Variants in MACROD2 observed in about 807,000 individuals in gnomAD.
MACROD2 encodes ADP-ribose glycohydrolase MACROD2.
MACROD2 carries 36 observed loss-of-function variants against 70.4 expected under a neutral mutation model. That is an observed-to-expected ratio of 0.51 (90% CI 0.39 to 0.68). The LOEUF (loss-of-function observed/expected upper bound fraction) is 0.68. Among genes scored for constraint, MACROD2 ranks in the 30% least tolerant of loss-of-function variants. The pLI, the probability that MACROD2 is intolerant of heterozygous loss-of-function variation, is 0.00. For missense variants in MACROD2, 496 were observed against 538.4 expected (o/e 0.92, Z 0.78); for synonymous variants, 172 against 178.8 (o/e 0.96, Z 0.30).
At chr20:15,777,077 T>C (rs1345805680) in intron 8 of MACROD2, among the ~76,000 whole-genome samples, 1 of 152,300 alleles carries the variant, frequency 6.6e-6, no homozygotes, top group East Asian at 1.9e-4. Context: ...CAACAGTGCT[T>C]GTTTAAGGAA....
Position 14,874,117 on chromosome 20 carries a change from G to T in MACROD2, c.418+189158G>T, listed in dbSNP as rs566215756. Among the ~76,000 whole-genome samples the T allele has an allele frequency of 7.2e-5, 11 of 151,992 alleles. No individual in the cohort carries two copies. The South Asian group carries it at 1.7e-3, about 23-fold the overall frequency. ...TTATTAGGAGAATATATTTATATCT[G>T]TCTTTTTAAAGTAAGTATTGAAACA... On this transcript the variant is annotated intron_variant, in intron 5 of 17. Coordinates refer to ENST00000684519, the MANE Select transcript of MACROD2 (RefSeq NM_001351661.2).
chr20:14,834,742 G>T (rs1347406855), intron 5 of MACROD2, among the ~76,000 whole-genome samples: 1 of 151,906 alleles, frequency 6.6e-6, no homozygotes, highest in African/African-American at 2.4e-5. Flanking sequence ...ATTAGCCATT[G>T]TTAGATTTCA....
intron 3 of MACROD2, among the ~76,000 whole-genome samples, chr20:14,322,243 G>A (rs2082670091): frequency 7.6e-6 from 1 of 131,032 alleles, no homozygotes; most frequent in South Asian, 2.4e-4. Context: ...GCAAGCGTAG[G>A]TAAAGAAAAA....
intron 6 of MACROD2, among the ~76,000 whole-genome samples, chr20:15,323,857 A>T (rs1331264563): frequency 6.6e-6 from 1 of 152,156 alleles, no homozygotes; most frequent in Non-Finnish European, 1.5e-5. Flanking sequence ...ACCCCAGGCT[A>T]CACTTGAACA....
At chr20:14,648,301 T>C (rs1985502546) in intron 4 of MACROD2, among the ~76,000 whole-genome samples, 1 of 152,180 alleles carries the variant, frequency 6.6e-6, no homozygotes, top group Non-Finnish European at 1.5e-5. Flanking sequence ...AATATTTACA[T>C]TACAAATAAG....
intron 16 of MACROD2, 137 bp downstream of exon 16, chr20:16,041,415 T>A: frequency 1.5e-6 from 1 of 674,948 alleles, no homozygotes; most frequent in Non-Finnish European, 2.4e-6. Flanking sequence ...AAAAACAATT[T>A]TGTGCTACAA....
At chr20:14,277,305 A>T (rs6042644) in intron 3 of MACROD2, among the ~76,000 whole-genome samples, 1 of 151,922 alleles carries the variant, frequency 6.6e-6, no homozygotes, top group East Asian at 1.9e-4. Context: ...AAAATAAGCT[A>T]GGCATGGTGG....
chr20:14,442,391 AT>A (rs1164515217), intron 3 of MACROD2, among the ~76,000 whole-genome samples: 1 of 152,050 alleles, frequency 6.6e-6, no homozygotes, highest in African/African-American at 2.4e-5. Flanking sequence ...ATTTTGGTCA[AT>A]TTTACTCTCA....
chr20:15,892,689 G>A (rs891434780), intron 10 of MACROD2, among the ~76,000 whole-genome samples: 3 of 152,198 alleles, frequency 2.0e-5, no homozygotes, highest in African/African-American at 7.2e-5. Flanking sequence ...ACATTTGTGT[G>A]AATCACTAAT....
At chr20:15,917,020 C>A (rs2065328742) in intron 10 of MACROD2, among the ~76,000 whole-genome samples, 1 of 152,188 alleles carries the variant, frequency 6.6e-6, no homozygotes, top group South Asian at 2.1e-4. Context: ...CATATAAAAA[C>A]CATTCTTAGC....
rs76030459 is a variant in MACROD2 at position 14,559,454 on chromosome 20, G to A, written c.301+65946G>A. On this transcript the variant is annotated intron_variant, in intron 4 of 17. Transcript: ENST00000684519. The stretch of plus-strand genomic sequence containing the variant: ...GTGGTCAGCTATGGAAGAGGATAAA[G>A]TTAGTAGACCTACTAACTTTATAGC... Among the ~76,000 whole-genome samples the A allele has an allele frequency of 7.7e-3, 1,162 of 151,746 alleles. 15 individuals are homozygous for A. Among genetic ancestry groups the A allele is most frequent in the African/African-American group, 0.027 (1,127 of 41,444 alleles).
chr20:15,603,927 G>GA (rs1281164230), intron 8 of MACROD2, among the ~76,000 whole-genome samples: 1 of 152,238 alleles, frequency 6.6e-6, no homozygotes, highest in South Asian at 2.1e-4. Context: ...TTGAACTTTG[G>GA]AATAACTCAT....
intron 2 of MACROD2, among the ~76,000 whole-genome samples, chr20:14,068,938 CT>C (rs201147324): frequency 2.0e-5 from 3 of 151,760 alleles, no homozygotes; most frequent in Admixed American, 1.3e-4. Context: ...TTTTAAATGG[CT>C]TTTTTTTGTT....
Position 14,679,211 on chromosome 20 carries a change from T to C in MACROD2, c.302-5632T>C, listed in dbSNP as rs371395235. Among the ~76,000 whole-genome samples, 12 of 152,296 alleles carry C rather than the reference T, an allele frequency of 7.9e-5. No individual in the cohort carries two copies. The East Asian group carries it at 2.3e-3, about 29-fold the overall frequency. On this transcript the variant is annotated intron_variant, in intron 4 of 17. Coordinates refer to ENST00000684519, the MANE Select transcript of MACROD2 (RefSeq NM_001351661.2). ...TGCAAACCAGAATATGATGGGAACATAAAGAGACATTTATTTTGTCCAGTT... is the reference window on the plus strand; with the variant it reads ...TGCAAACCAGAATATGATGGGAACACAAAGAGACATTTATTTTGTCCAGTT...
At chr20:14,430,821 G>C (rs1193885111) in intron 3 of MACROD2, among the ~76,000 whole-genome samples, 1 of 152,104 alleles carries the variant, frequency 6.6e-6, no homozygotes, top group Non-Finnish European at 1.5e-5. Context: ...TGCATGAGAG[G>C]AGGAGACCCA....
intron 5 of MACROD2, among the ~76,000 whole-genome samples, chr20:14,987,211 C>G (rs1319909301): frequency 6.6e-6 from 1 of 152,114 alleles, no homozygotes; most frequent in South Asian, 2.1e-4. Flanking sequence ...AGTCACAAAT[C>G]TAACAATTGA....
intron 4 of MACROD2, among the ~76,000 whole-genome samples, chr20:14,581,586 A>G (rs1408297962): frequency 1.3e-5 from 2 of 152,200 alleles, no homozygotes; most frequent in Non-Finnish European, 1.5e-5. Flanking sequence ...TAGGATTTAT[A>G]TTACTTTTAC....
At chr20:15,013,905 G>A (rs2122941774) in intron 5 of MACROD2, among the ~76,000 whole-genome samples, 1 of 152,300 alleles carries the variant, frequency 6.6e-6, no homozygotes, top group East Asian at 1.9e-4. Context: ...ACTGAAGCAT[G>A]ACTTAAGAAG....
rs147689650 is a variant in MACROD2, at chr20:15,960,500, T to C, written c.908-7053T>C. ...CCACAAAAGCAAATCGGGGACAAGA[T>C]TGTGGGTGCAAAAGGTGAACCCACT... On this transcript the variant is annotated intron_variant, in intron 12 of 17. Coordinates refer to ENST00000684519, the MANE Select transcript of MACROD2 (RefSeq NM_001351661.2). Among the ~76,000 whole-genome samples, 397 of 152,302 alleles carry C rather than the reference T, an allele frequency of 2.6e-3. 1 individual carries two copies. Among genetic ancestry groups the C allele is most frequent in the African/African-American group, 8.6e-3 (358 of 41,574 alleles).
Sources: allele counts gnomAD v4.1 joint callset (sites outside exome capture counted in the v4.1 genomes callset), GRCh38; gene constraint gnomAD v4.1.1; transcripts MANE v1.5; gene names NCBI Gene and HGNC (gene_info 2026-07-23, HGNC 2026-07-21).